Variants in NRXN1 observed in about 807,000 individuals in gnomAD.
NRXN1 encodes the protein neurexin-1.
In NRXN1, 39 loss-of-function variants were observed where a neutral mutation model predicts 150.9. The ratio of observed to expected loss-of-function variants is 0.26; its 90% CI spans 0.20 to 0.34. The LOEUF (loss-of-function observed/expected upper bound fraction) is 0.34, where lower values mean the gene tolerates loss of function less well. NRXN1 is among the 10% of genes least tolerant of loss of function. The pLI is 1.00. For synonymous variants in NRXN1, 924 were observed against 757.0 expected, an observed-to-expected ratio of 1.22 and a Z score of -3.62; for missense variants, 1,815 against 1,949.9, an observed-to-expected ratio of 0.93 and a Z score of 1.30.
At chr2:50,351,451 T>C (rs1329539867) in intron 17 of NRXN1, among the ~76,000 whole-genome samples, 3 of 152,174 alleles carry the variant, frequency 2.0e-5, no homozygotes, top group Non-Finnish European at 4.4e-5. Flanking sequence ...AAATAAGTTA[T>C]CACTGATGAA....
intron 5 of NRXN1, among the ~76,000 whole-genome samples, chr2:50,747,614 T>A (rs924662199): frequency 6.6e-6 from 1 of 152,156 alleles, no homozygotes; most frequent in Non-Finnish European, 1.5e-5. Flanking sequence ...ATCTATCTCA[T>A]CTTCTTTAAT....
At chr2:50,788,712 G>T (rs930883353) in intron 5 of NRXN1, among the ~76,000 whole-genome samples, 2 of 152,074 alleles carry the variant, frequency 1.3e-5, no homozygotes, top group Non-Finnish European at 2.9e-5. Context: ...AAAGATACCA[G>T]TGATGGCAAG....
chr2:50,635,781 G>C (rs972597966), intron 5 of NRXN1, among the ~76,000 whole-genome samples: 1 of 152,162 alleles, frequency 6.6e-6, no homozygotes, highest in African/African-American at 2.4e-5. Context: ...TGGGAAGTGG[G>C]GAGTTAGAAG....
intron 2 of NRXN1, among the ~76,000 whole-genome samples, chr2:50,932,735 T>TA (rs979882215): frequency 6.6e-6 from 1 of 151,960 alleles, no homozygotes; most frequent in Admixed American, 6.6e-5. Context: ...TGAAATAATT[T>TA]AAAAAAATAA....
chr2:50,351,862 T>C (rs966539546), intron 17 of NRXN1, among the ~76,000 whole-genome samples: 2 of 152,152 alleles, frequency 1.3e-5, no homozygotes, highest in Non-Finnish European at 2.9e-5. Context: ...GACATTTTTT[T>C]CAGGTACTTA....
intron 18 of NRXN1, among the ~76,000 whole-genome samples, chr2:50,175,649 GTCTA>G (rs1451151399): frequency 2.6e-5 from 4 of 151,834 alleles, no homozygotes; most frequent in African/African-American, 9.7e-5. Context: ...GCACATGCAT[GTCTA>G]TCTATACATA....
chr2:50,477,629 C>T (rs1404009536), intron 15 of NRXN1, among the ~76,000 whole-genome samples: 1 of 152,154 alleles, frequency 6.6e-6, no homozygotes, highest in African/African-American at 2.4e-5. Context: ...CCTGTTTATT[C>T]ACATGTACTT....
chr2:50,700,371 C>T (rs1195596440), intron 5 of NRXN1, among the ~76,000 whole-genome samples: 1 of 152,102 alleles, frequency 6.6e-6, no homozygotes, highest in African/African-American at 2.4e-5. Context: ...TGACTGTATC[C>T]TTTGCTGGGC....
At chr2:50,392,024 T>C (rs2081745332) in intron 17 of NRXN1, among the ~76,000 whole-genome samples, 1 of 152,172 alleles carries the variant, frequency 6.6e-6, no homozygotes, top group Non-Finnish European at 1.5e-5. Flanking sequence ...TGAAACTTAC[T>C]TATTAATTTA....
chr2:50,156,126 A>C (rs2152778964), intron 18 of NRXN1, among the ~76,000 whole-genome samples: 1 of 151,938 alleles, frequency 6.6e-6, no homozygotes, highest in East Asian at 1.9e-4. Context: ...TTCCTACAAT[A>C]AATACATATT....
At chr2:50,681,614 A>C (rs1339521018) in intron 5 of NRXN1, among the ~76,000 whole-genome samples, 1 of 152,150 alleles carries the variant, frequency 6.6e-6, no homozygotes, top group African/African-American at 2.4e-5. Flanking sequence ...TATTAATCTG[A>C]AGTAATATTC....
chr2:50,923,870 T>C (rs1399173442), intron 3 of NRXN1, among the ~76,000 whole-genome samples: 7 of 151,868 alleles, frequency 4.6e-5, no homozygotes, highest in Admixed American at 4.6e-4. Flanking sequence ...CTCTGTAGGC[T>C]AGATATAATT....
intron 5 of NRXN1, among the ~76,000 whole-genome samples, chr2:50,893,857 G>T (rs540345191): frequency 1.4e-4 from 21 of 152,124 alleles, no homozygotes; most frequent in African/African-American, 5.1e-4. Context: ...GCGGTGTTTG[G>T]TTTTTTGTTC....
intron 5 of NRXN1, among the ~76,000 whole-genome samples, chr2:50,746,249 G>A (rs879776125): frequency 1.2e-4 from 18 of 151,952 alleles, no homozygotes; most frequent in Admixed American, 9.8e-4. Context: ...GTGAGCAAGC[G>A]TACTACTGTA....
At chr2:50,438,346 T>C (rs2085632329) in intron 17 of NRXN1, among the ~76,000 whole-genome samples, 1 of 152,232 alleles carries the variant, frequency 6.6e-6, no homozygotes, top group Non-Finnish European at 1.5e-5. Flanking sequence ...TGATTCACTG[T>C]AGACAGCCAA....
intron 18 of NRXN1, among the ~76,000 whole-genome samples, chr2:50,232,536 G>A (rs192867766): frequency 6.6e-6 from 1 of 151,720 alleles, no homozygotes; most frequent in Admixed American, 6.6e-5. Flanking sequence ...ACAGGCATGT[G>A]TCACCACACC....
intron 17 of NRXN1, among the ~76,000 whole-genome samples, chr2:50,295,026 A>G (rs544534104): frequency 6.6e-6 from 1 of 152,168 alleles, no homozygotes; most frequent in Non-Finnish European, 1.5e-5. Flanking sequence ...TATATTAACT[A>G]TTGGAAACAC....
intron 21 of NRXN1, among the ~76,000 whole-genome samples, chr2:50,040,009 T>C (rs986236902): frequency 6.6e-6 from 1 of 152,144 alleles, no homozygotes; most frequent in African/African-American, 2.4e-5. Flanking sequence ...GAGATTAGTA[T>C]TGGATAATAT....
intron 17 of NRXN1, among the ~76,000 whole-genome samples, chr2:50,456,305 C>T (rs552221905): frequency 6.6e-6 from 1 of 152,224 alleles, no homozygotes; most frequent in African/African-American, 2.4e-5. Flanking sequence ...AAGCCTCACA[C>T]TCTATAGGCC....
Sources: gnomAD v4.1 joint callset for allele counts (sites outside exome capture counted in the v4.1 genomes callset) on GRCh38, gnomAD v4.1.1 for gene constraint, MANE v1.5 for transcripts, NCBI Gene and HGNC (gene_info 2026-07-23, HGNC 2026-07-21) for gene names.